The following NUP210L variants were observed in gnomAD, a reference collection of about 807,000 sequenced individuals.
NUP210L encodes the protein nuclear pore membrane glycoprotein 210-like.
Under a neutral mutation model 208.5 loss-of-function variants are expected in NUP210L, and 74 were observed. That is an observed-to-expected ratio of 0.35 (90% confidence interval 0.29 to 0.43). NUP210L has a LOEUF of 0.43. Ranked by LOEUF, NUP210L falls within the 20% of genes least tolerant of loss-of-function variation. The pLI is 1.00. For missense variants in NUP210L, 1,843 were observed against 2,289.4 expected (o/e 0.81, Z 3.98); for synonymous variants, 780 against 816.9 (o/e 0.95, Z 0.77).
At chr1:154,088,131 AG>A (rs1655720981) in intron 16 of NUP210L, among the ~76,000 whole-genome samples, 1 of 152,130 alleles carries the variant, frequency 6.6e-6, no homozygotes. Flanking sequence ...TGAGCCCAGG[AG>A]TTCGAGACCA....
At chr1:154,019,092 A>C in intron 32 of NUP210L, 23 bp from the exon 33 acceptor site, 1 of 1,613,192 alleles carries the variant, frequency 6.2e-7, no homozygotes, top group East Asian at 2.2e-5. Flanking sequence ...AAGAGAAAAC[A>C]CTTGGCTGAA....
intron 8 of NUP210L, among the ~76,000 whole-genome samples, chr1:154,128,717 C>T (rs1006764438): frequency 6.6e-6 from 1 of 152,020 alleles, no homozygotes; most frequent in African/African-American, 2.4e-5. Context: ...GGCATGGTGG[C>T]GCACCTGTAG....
chr1:154,099,097 G>C (rs1452409346), intron 14 of NUP210L, among the ~76,000 whole-genome samples: 1 of 152,188 alleles, frequency 6.6e-6, no homozygotes, highest in East Asian at 1.9e-4. Context: ...CTGACAGCAG[G>C]AAGAAGCCAG....
intron 8 of NUP210L, among the ~76,000 whole-genome samples, chr1:154,128,582 G>A (rs943588012): frequency 4.6e-5 from 7 of 151,610 alleles, no homozygotes; most frequent in African/African-American, 1.2e-4. Flanking sequence ...TGGGCATGGT[G>A]GTTCACACCT....
At chr1:154,019,277 G>A (rs905511967) in intron 32 of NUP210L, among the ~76,000 whole-genome samples, 3 of 152,156 alleles carry the variant, frequency 2.0e-5, no homozygotes, top group South Asian at 2.1e-4. Flanking sequence ...GAAGAGCTAC[G>A]TAGTTGGAGA....
chr1:154,155,083 C>CAATCCACA lies in NUP210L; in HGVS notation c.-40_-39insTGTGGATT, dbSNP rs1236225645. ...TCTCGGGTTCCCGCTCAACTACAGC[C>CAATCCACA]GGCTCACAGCTCCATCAGCCAATCC... is the stretch of plus-strand genomic sequence containing the variant. On this transcript the variant is annotated 5_prime_UTR_variant, in exon 1 of 40. Coordinates refer to ENST00000368559, the Ensembl canonical transcript of NUP210L. 1 of 1,449,678 alleles carries CAATCCACA rather than the reference C, an allele frequency of 6.9e-7. No homozygotes were observed. Among genetic ancestry groups the CAATCCACA allele is most frequent in the South Asian group, 1.2e-5 (1 of 83,398 alleles). 89.8% of individuals were successfully genotyped at this position (1,449,678 alleles called of 1,614,324 possible). A position where few individuals can be genotyped will look rare whatever the true frequency, so the allele number is the denominator to read the frequency against.
At chr1:154,091,246 C>T (rs1655897474) in intron 15 of NUP210L, among the ~76,000 whole-genome samples, 1 of 151,606 alleles carries the variant, frequency 6.6e-6, no homozygotes, top group African/African-American at 2.4e-5. Flanking sequence ...CAGGCACGTG[C>T]AACCACACCC....
chr1:154,015,280 TAAAAAAA>T (rs35604037), intron 33 of NUP210L, among the ~76,000 whole-genome samples: 1 of 133,208 alleles, frequency 7.5e-6, no homozygotes. Flanking sequence ...TACTGGATGT[TAAAAAAA>T]AAAAAAAAAA....
intron 17 of NUP210L, among the ~76,000 whole-genome samples, chr1:154,068,733 C>T (rs886901755): frequency 1.3e-5 from 2 of 151,856 alleles, no homozygotes; most frequent in Non-Finnish European, 2.9e-5. Context: ...GAACAAAAAA[C>T]CAAACACCAC....
chr1:154,045,344 T>C (rs1653113115), intron 27 of NUP210L, among the ~76,000 whole-genome samples: 2 of 140,366 alleles, frequency 1.4e-5, no homozygotes, highest in Non-Finnish European at 3.2e-5. Flanking sequence ...ATTATGAATA[T>C]AATCAAATGT....
chr1:154,092,393 G>A (rs796676856), intron 15 of NUP210L, among the ~76,000 whole-genome samples: 6 of 145,204 alleles, frequency 4.1e-5, no homozygotes, highest in African/African-American at 7.7e-5. Flanking sequence ...TTTTTTTTAC[G>A]CAGTCTCACT....
chr1:154,128,290 A>G (rs1658082293), intron 8 of NUP210L, among the ~76,000 whole-genome samples: 2 of 152,030 alleles, frequency 1.3e-5, no homozygotes, highest in African/African-American at 4.8e-5. Flanking sequence ...GTTTGAGACC[A>G]GCCTGGGCAA....
At chr1:154,146,229 C>T (rs1381613519) in intron 2 of NUP210L, among the ~76,000 whole-genome samples, 1 of 152,064 alleles carries the variant, frequency 6.6e-6, no homozygotes, top group Non-Finnish European at 1.5e-5. Context: ...GCTGGAAAAA[C>T]CTGAATAACA....
intron 16 of NUP210L, among the ~76,000 whole-genome samples, chr1:154,081,011 AAAAG>A (rs941907156): frequency 6.6e-6 from 1 of 151,878 alleles, no homozygotes; most frequent in African/African-American, 2.4e-5. Context: ...AAAGAAAAGA[AAAAG>A]AAGGAAGAAA....
intron 15 of NUP210L, among the ~76,000 whole-genome samples, chr1:154,091,819 ATATATATG>A (rs1484641711): frequency 6.6e-6 from 1 of 151,176 alleles, no homozygotes; most frequent in African/African-American, 2.4e-5. Context: ...TCATATATAC[ATATATATG>A]TATATAATCT....
rs564529599 is a variant in NUP210L, at chr1:154,080,801, G to A, written c.2361+8620C>T. 5.9e-5 allele frequency among the ~76,000 whole-genome samples: 9 copies of A among 151,890 alleles called. No individual in the cohort carries two copies. The South Asian group carries it at 1.7e-3, about 28-fold the overall frequency. ...AGCCTGACCAATATGATGAAACCTCGTCTCTACTAAAAATACAAAAATTAG... is the reference window on the plus strand; with the variant it reads ...AGCCTGACCAATATGATGAAACCTCATCTCTACTAAAAATACAAAAATTAG... On this transcript the variant is annotated intron_variant, in intron 16 of 39. Transcript: ENST00000368559.
chr1:154,136,781 G>A (rs889601064), intron 6 of NUP210L, among the ~76,000 whole-genome samples: 10 of 151,144 alleles, frequency 6.6e-5, no homozygotes, highest in South Asian at 4.2e-4. Flanking sequence ...TTAGCTGGGC[G>A]TAGTGGCGGG....
chr1:154,139,685 AAC>A lies in NUP210L; in HGVS notation c.717+115_717+116del, dbSNP rs1571320609. 48 of 785,042 alleles carry A rather than the reference AAC, an allele frequency of 6.1e-5. No individual in the cohort carries two copies. The East Asian group carries it at 1.2e-3, about 20-fold the overall frequency. 48.6% of individuals were successfully genotyped at this position (785,042 alleles called of 1,614,324 possible). On this transcript the variant is annotated intron_variant, in intron 5 of 39. Coordinates refer to ENST00000368559, the Ensembl canonical transcript of NUP210L. ...CTGTCTCTACAAAAACAAACAAACA[AAC>A]AAAAAAAAAAAAAAAACAGGGCGGG...
chr1:154,003,136 A>AAAGTGCT (rs1650313957), intron 35 of NUP210L, among the ~76,000 whole-genome samples: 1 of 151,544 alleles, frequency 6.6e-6, no homozygotes, highest in Admixed American at 6.6e-5. Context: ...TCAGCCTCCC[A>AAAGTGCT]GGCAGCTAGG....
Sources: gnomAD v4.1 joint callset for allele counts (sites outside exome capture counted in the v4.1 genomes callset) on GRCh38, gnomAD v4.1.1 for gene constraint, MANE v1.5 for transcripts, NCBI Gene and HGNC (gene_info 2026-07-23, HGNC 2026-07-21) for gene names.